The following ROR1 variants were observed in gnomAD, a reference collection of about 807,000 sequenced individuals.
The protein encoded by ROR1 is ROR family WNT receptor 1.
ROR1 carries 19 observed loss-of-function variants against 78.8 expected under a neutral mutation model. The ratio of observed to expected loss-of-function variants is 0.24; its 90% CI spans 0.17 to 0.35. The LOEUF (loss-of-function observed/expected upper bound fraction) is 0.35. ROR1 is among the 10% of genes least tolerant of loss of function. The probability of loss-of-function intolerance (pLI) is 1.00; values close to 1 mark genes in which losing one functional copy is unlikely to be tolerated. For synonymous variants in ROR1, 386 were observed against 433.6 expected (o/e 0.89, Z 1.36); for missense variants, 917 against 1,177.8 (o/e 0.78, Z 3.24).
intron 1 of ROR1, among the ~76,000 whole-genome samples, chr1:63,846,235 C>T (rs1645080937): frequency 6.6e-6 from 1 of 151,552 alleles, no homozygotes; most frequent in African/African-American, 2.4e-5. Flanking sequence ...GCCTACCCCT[C>T]ACATCTGTTT....
rs1367729751 is a variant in ROR1 at position 64,181,177 on chromosome 1, T to C, written c.*2322T>C. 6.6e-6 allele frequency: 1 copy of C among 152,132 alleles called. No individual in the cohort carries two copies. Among genetic ancestry groups the C allele is most frequent in the Non-Finnish European group, 1.5e-5 (1 of 67,978 alleles). The allele number at this position is 152,132 out of a possible 1,614,324, so 9.4% of individuals were successfully genotyped here. The stretch of plus-strand genomic sequence containing the variant: ...TTTGTGTCACAGAAGTGAAAATATA[T>C]CTTTGCATTTTTATATCTGGTCTGT... On this transcript the variant is annotated 3_prime_UTR_variant, in exon 9 of 9. Transcript: ENST00000371079.
chr1:64,089,244 C>G (rs552947085), intron 4 of ROR1, among the ~76,000 whole-genome samples: 7 of 151,590 alleles, frequency 4.6e-5, no homozygotes, highest in Admixed American at 3.9e-4. Context: ...TGGTCTCACT[C>G]TGTGTCTCAG....
chr1:63,810,636 G>A (rs1324596935), intron 1 of ROR1, among the ~76,000 whole-genome samples: 1 of 152,210 alleles, frequency 6.6e-6, no homozygotes, highest in East Asian at 1.9e-4. Flanking sequence ...GGATACTGAA[G>A]GATCTTGAAG....
intron 4 of ROR1, among the ~76,000 whole-genome samples, chr1:64,063,953 T>TTC (rs376511744): frequency 1.3e-5 from 2 of 150,394 alleles, no homozygotes; most frequent in Admixed American, 6.6e-5. Context: ...AGCTCTACCT[T>TTC]TCTCTCTCTC....
chr1:63,863,801 GT>G (rs1277950795), intron 1 of ROR1, among the ~76,000 whole-genome samples: 1 of 99,998 alleles, frequency 1.0e-5, no homozygotes, highest in African/African-American at 4.9e-5. Context: ...GTATTGTATT[GT>G]ATCATAGATG....
At chr1:64,037,548 C>T (rs892718436) in intron 2 of ROR1, among the ~76,000 whole-genome samples, 4 of 152,040 alleles carry the variant, frequency 2.6e-5, no homozygotes, top group African/African-American at 9.7e-5. Flanking sequence ...ACTGGCTAGG[C>T]TCTATGGTTA....
intron 1 of ROR1, among the ~76,000 whole-genome samples, chr1:63,973,777 T>C (rs952574724): frequency 1.3e-5 from 2 of 152,156 alleles, no homozygotes; most frequent in Non-Finnish European, 2.9e-5. Flanking sequence ...TTCTGATATA[T>C]GTGAAGATTA....
In ROR1 at chr1:63,968,986, A is replaced by G. The variant is rs1646097699; in HGVS notation, c.92-40319A>G. ...TAGGAGCTTCCTTGGAATGCTATTAATGCAGCAAACCCTCAGTATCACTTT... is the reference window on the plus strand; with the variant it reads ...TAGGAGCTTCCTTGGAATGCTATTAGTGCAGCAAACCCTCAGTATCACTTT... On this transcript the variant is annotated intron_variant, in intron 1 of 8. Coordinates refer to ENST00000371079, the MANE Select transcript of ROR1 (RefSeq NM_005012.4). 1.3e-5 allele frequency among the ~76,000 whole-genome samples: 2 copies of G among 152,186 alleles called. 1 individual carries two copies. Among genetic ancestry groups the G allele is most frequent in the South Asian group, 4.1e-4 (2 of 4,830 alleles).
At chr1:63,991,532 A>G (rs1014906778) in intron 1 of ROR1, among the ~76,000 whole-genome samples, 1 of 152,156 alleles carries the variant, frequency 6.6e-6, no homozygotes, top group Non-Finnish European at 1.5e-5. Context: ...ACCCCAACAA[A>G]GGCATTACTT....
chr1:63,981,090 A>G (rs563928502), intron 1 of ROR1, among the ~76,000 whole-genome samples: 3 of 152,248 alleles, frequency 2.0e-5, no homozygotes, highest in Admixed American at 2.0e-4. Context: ...TGTTGTTCAT[A>G]ACAACAACGG....
Position 64,009,750 on chromosome 1 carries a change from G to A in ROR1, c.163+374G>A, listed in dbSNP as rs1387301623. Among the ~76,000 whole-genome samples the A allele has an allele frequency of 2.6e-5, 4 of 152,236 alleles. No homozygotes were observed. In the Middle Eastern group the frequency reaches 0.01, roughly 388 times the overall value. On this transcript the variant is annotated intron_variant, in intron 2 of 8. Coordinates refer to ENST00000371079, the MANE Select transcript of ROR1 (RefSeq NM_005012.4). ...AGCTGTTTGCTCGGTGACCTTTCAC[G>A]ATGAGCATTTGATGTGCTTGCAGGG... is the stretch of plus-strand genomic sequence containing the variant.
At chr1:64,156,700 C>T (rs571910473) in intron 7 of ROR1, among the ~76,000 whole-genome samples, 10 of 74,192 alleles carry the variant, frequency 1.3e-4, no homozygotes, top group Middle Eastern at 5.1e-3. Context: ...AGCGAGACTC[C>T]GTCTCAAAAA....
intron 1 of ROR1, among the ~76,000 whole-genome samples, chr1:63,828,479 T>C (rs539134801): frequency 6.6e-6 from 1 of 152,308 alleles, no homozygotes; most frequent in East Asian, 1.9e-4. Flanking sequence ...TTCTTGTTCA[T>C]CCCTGGGAGG....
chr1:64,164,592 G>C (rs1650034131), intron 8 of ROR1, among the ~76,000 whole-genome samples: 1 of 152,162 alleles, frequency 6.6e-6, no homozygotes, highest in Non-Finnish European at 1.5e-5. Flanking sequence ...GATGAGTACA[G>C]ATCTTTTTTT....
chr1:64,016,937 A>T (rs1473321482), intron 2 of ROR1, among the ~76,000 whole-genome samples: 12 of 151,350 alleles, frequency 7.9e-5, no homozygotes, highest in African/African-American at 2.9e-4. Flanking sequence ...TTTTCTTTTG[A>T]GACAAGATCT....
At chr1:64,011,988 T>G (rs1646478276) in intron 2 of ROR1, among the ~76,000 whole-genome samples, 1 of 152,206 alleles carries the variant, frequency 6.6e-6, no homozygotes, top group South Asian at 2.1e-4. Flanking sequence ...GAGACACTTC[T>G]TCCAATCACA....
intron 1 of ROR1, among the ~76,000 whole-genome samples, chr1:63,958,242 G>T (rs1343489260): frequency 2.0e-5 from 3 of 151,978 alleles, no homozygotes; most frequent in African/African-American, 7.3e-5. Context: ...CTCTTCCTTT[G>T]CAAATTTCCT....
At chr1:64,067,072 A>T (rs1646962010) in intron 4 of ROR1, among the ~76,000 whole-genome samples, 1 of 152,118 alleles carries the variant, frequency 6.6e-6, no homozygotes, top group African/African-American at 2.4e-5. Context: ...ACTTGAGGCC[A>T]GGCGCAGTGG....
intron 1 of ROR1, among the ~76,000 whole-genome samples, chr1:63,957,260 G>A (rs1286692454): frequency 2.0e-5 from 3 of 152,152 alleles, no homozygotes; most frequent in Non-Finnish European, 4.4e-5. Context: ...TTACTATGTC[G>A]TTGTAATTTC....
Sources: allele counts gnomAD v4.1 joint callset (sites outside exome capture counted in the v4.1 genomes callset), GRCh38; gene constraint gnomAD v4.1.1; transcripts MANE v1.5; gene names NCBI Gene and HGNC (gene_info 2026-07-23, HGNC 2026-07-21).